USP47: variants seen among roughly 807,000 people sequenced by gnomAD.
USP47 encodes the protein ubiquitin carboxyl-terminal hydrolase 47.
In USP47, 35 loss-of-function variants were observed where a neutral mutation model predicts 165.1. The ratio of observed to expected loss-of-function variants is 0.21; its 90% CI spans 0.16 to 0.28. The LOEUF is 0.28. USP47 is among the 10% of genes least tolerant of loss of function. USP47 has a pLI of 1.00. For synonymous variants in USP47, 531 were observed against 544.5 expected (o/e 0.98, Z 0.35); for missense variants, 1,277 against 1,607.4 (o/e 0.79, Z 3.52).
chr11:11,885,995 C>T (rs1376093668), intron 3 of USP47, among the ~76,000 whole-genome samples: 3 of 152,084 alleles, frequency 2.0e-5, no homozygotes, highest in Non-Finnish European at 4.4e-5. Flanking sequence ...CTGCAGCAGC[C>T]CTATGGAAGA....
At chr11:11,950,645 A>T (rs967098348) in intron 24 of USP47, among the ~76,000 whole-genome samples, 163 bp downstream of exon 24, 1 of 152,124 alleles carries the variant, frequency 6.6e-6, no homozygotes. Context: ...GATTGATGTG[A>T]TTCCTACCTA....
intron 24 of USP47, chr11:11,951,817 T>C (rs997380404): frequency 4.6e-5 from 7 of 152,142 alleles, no homozygotes; most frequent in African/African-American, 1.7e-4. Flanking sequence ...AGGCAAGTGC[T>C]CCAGATTGTG....
intron 1 of USP47, among the ~76,000 whole-genome samples, chr11:11,860,650 G>T (rs1469766522): frequency 6.6e-6 from 1 of 152,160 alleles, no homozygotes; most frequent in African/African-American, 2.4e-5. Flanking sequence ...AAACAAGTCA[G>T]TTATTTCACA....
rs202182223 is a variant in USP47, at chr11:11,944,831, G to A, written c.3091+1719G>A. Among the ~76,000 whole-genome samples, 19 of 152,254 alleles carry A rather than the reference G, an allele frequency of 1.2e-4. No homozygotes were observed. The East Asian group carries it at 3.7e-3, about 29-fold the overall frequency. On this transcript the variant is annotated intron_variant, in intron 20 of 27. Transcript: ENST00000527733. ...AAAAGTAGTTCCTCTTTAGTAGAAG[G>A]TTGGAAATTTCTTTTAATTGGTTTG...
At position 11,957,093 on chromosome 11, in the gene USP47, T is replaced by G. The variant is rs980746119; in HGVS notation, c.*918T>G. On this transcript the variant is annotated 3_prime_UTR_variant, in exon 28 of 28. Coordinates refer to ENST00000527733, the MANE Select transcript of USP47 (RefSeq NM_001282659.2). ...GGTCCCATAGGATTGTCGTTGCCCT[T>G]GTTAATGAGGTTTCTCTGTTCAGCG... is the stretch of plus-strand genomic sequence containing the variant. 1.3e-5 allele frequency: 2 copies of G among 152,212 alleles called. No individual in the cohort carries two copies. Among genetic ancestry groups the G allele is most frequent in the Non-Finnish European group, 2.9e-5 (2 of 68,036 alleles). The allele number at this position is 152,212 out of a possible 1,614,324, so 9.4% of individuals were successfully genotyped here. A position where few individuals can be genotyped will look rare whatever the true frequency, so the allele number is the denominator to read the frequency against.
Position 11,959,385 on chromosome 11 carries a change from T to A in USP47, c.*3210T>A, listed in dbSNP as rs144350992. On this transcript the variant is annotated 3_prime_UTR_variant, in exon 28 of 28. Transcript: ENST00000527733. Reference sequence around the variant, plus strand: ...TTGGTCACTAGTAGTCAAAATCTTATAAGGCCATATGTCCTGAAAGGCAAA... The same window carrying A: ...TTGGTCACTAGTAGTCAAAATCTTAAAAGGCCATATGTCCTGAAAGGCAAA... The A allele has an allele frequency of 6.6e-6, 1 of 152,190 alleles. No individual in the cohort carries two copies. The highest frequency in any genetic ancestry group is 6.5e-5 in the Admixed American group (1 of 15,276). 9.4% of individuals were successfully genotyped at this position (152,190 alleles called of 1,614,324 possible).
chr11:11,845,229 A>G (rs548814188), intron 1 of USP47, among the ~76,000 whole-genome samples: 42 of 152,220 alleles, frequency 2.8e-4, no homozygotes, highest in African/African-American at 9.1e-4. Flanking sequence ...TCTGGCCACA[A>G]CCTGTCCTTC....
At chr11:11,879,539 T>G (rs946269845) in intron 1 of USP47, among the ~76,000 whole-genome samples, 5 of 152,140 alleles carry the variant, frequency 3.3e-5, no homozygotes, top group African/African-American at 7.2e-5. Context: ...CCTTTCTGTA[T>G]TGGTAATTGA....
At chr11:11,925,392 C>T (rs540172244) in intron 11 of USP47, among the ~76,000 whole-genome samples, 4 of 152,080 alleles carry the variant, frequency 2.6e-5, no homozygotes, top group Non-Finnish European at 4.4e-5. Flanking sequence ...CGTGAGCCAC[C>T]GCACCCGGCC....
chr11:11,943,208 A>T lies in USP47; in HGVS notation c.3091+96A>T, dbSNP rs892393134. 4 of 1,353,664 alleles carry T rather than the reference A, an allele frequency of 3.0e-6. No homozygotes were observed. The African/African-American group carries it at 5.9e-5, about 20-fold the overall frequency. The allele number at this position is 1,353,664 out of a possible 1,614,324, so 83.9% of individuals were successfully genotyped here. On this transcript the variant is annotated intron_variant, in intron 20 of 27. Coordinates refer to ENST00000527733, the MANE Select transcript of USP47 (RefSeq NM_001282659.2). ...GTTAAGTGTTAGGTACTTAGTTCTA[A>T]GATCATTTGTAACTTTCTGGATTAT... is the stretch of plus-strand genomic sequence containing the variant.
At chr11:11,890,709 T>A (rs10765898) in intron 3 of USP47, among the ~76,000 whole-genome samples, 1 of 152,036 alleles carries the variant, frequency 6.6e-6, no homozygotes, top group African/African-American at 2.4e-5. Flanking sequence ...ATACATGCAC[T>A]CATATGTTCA....
rs1299914001 is a variant in USP47, at chr11:11,955,074, T to C, written c.3803T>C (p.Ile1268Thr). 6.2e-7 allele frequency: 1 copy of C among 1,613,844 alleles called. No individual in the cohort carries two copies. Among genetic ancestry groups the C allele is most frequent in the South Asian group, 1.1e-5 (1 of 91,050 alleles). The change falls in exon 27 of 28, where the codon ATT becomes ACT. Residue 1268 changes from isoleucine (I) to threonine (T), a missense_variant. Physicochemically the swap from Ile to Thr is moderately conservative, Grantham distance 89. Transcript: ENST00000527733. Reference sequence around the variant, plus strand: ...CCCTGTGATATTTCTGTCCTTGATATTCATCAGGATTTAGACTGGAATCCT... The same window carrying C: ...CCCTGTGATATTTCTGTCCTTGATACTCATCAGGATTTAGACTGGAATCCT... ...TFPCDISVLD[I>T]HQDLDWNPKV...
intron 1 of USP47, among the ~76,000 whole-genome samples, chr11:11,856,147 C>T (rs1289605655): frequency 6.6e-6 from 1 of 152,104 alleles, no homozygotes; most frequent in African/African-American, 2.4e-5. Context: ...CTAAAAATTC[C>T]AAAGGCTTTG....
At chr11:11,927,237 T>A (rs1282343017) in intron 11 of USP47, among the ~76,000 whole-genome samples, 2 of 152,066 alleles carry the variant, frequency 1.3e-5, no homozygotes, top group Non-Finnish European at 2.9e-5. Flanking sequence ...TTTTTTTGTC[T>A]TTGGTTTTGT....
intron 11 of USP47, among the ~76,000 whole-genome samples, chr11:11,928,060 T>C (rs1023787380): frequency 2.0e-5 from 3 of 152,048 alleles, no homozygotes; most frequent in African/African-American, 7.2e-5. Flanking sequence ...AAGATAATTA[T>C]GTTGGCTTTG....
At chr11:11,881,985 G>C (rs1159914463) in intron 2 of USP47, among the ~76,000 whole-genome samples, 2 of 152,110 alleles carry the variant, frequency 1.3e-5, no homozygotes, top group Non-Finnish European at 2.9e-5. Flanking sequence ...GAAGACCATT[G>C]AGTTGGATCT....
At chr11:11,853,837 A>G (rs1262141993) in intron 1 of USP47, among the ~76,000 whole-genome samples, 1 of 152,108 alleles carries the variant, frequency 6.6e-6, no homozygotes, top group African/African-American at 2.4e-5. Context: ...TTAAAATCCT[A>G]TCCAACCGGC....
At position 11,880,422 on chromosome 11, in the gene USP47, CATT is replaced by C. The variant is rs769862705; in HGVS notation, c.243+43_243+45del. On this transcript the variant is annotated intron_variant, in intron 2 of 27. Coordinates refer to ENST00000527733, the MANE Select transcript of USP47 (RefSeq NM_001282659.2). Reference sequence around the variant, plus strand: ...AAGCTTCTAAAAATGTTATTATAGCCATTGTTGTTGTTGTTACTGATGATAATG... The same window carrying C: ...AAGCTTCTAAAAATGTTATTATAGCCGTTGTTGTTGTTACTGATGATAATG... The C allele has an allele frequency of 1.9e-5, 24 of 1,248,674 alleles. No individual in the cohort carries two copies. The South Asian group carries it at 6.3e-4, about 33-fold the overall frequency. 77.3% of individuals were successfully genotyped at this position (1,248,674 alleles called of 1,614,324 possible).
In USP47 at chr11:11,960,376, C is replaced by G. The variant is rs1169820108; in HGVS notation, c.*4201C>G. ...GTAGATGCCCTGCAGGTCCTATCAG[C>G]AAAGGACCCAACTCCTAACAGCATT... On this transcript the variant is annotated 3_prime_UTR_variant, in exon 28 of 28. Coordinates refer to ENST00000527733, the MANE Select transcript of USP47 (RefSeq NM_001282659.2). Among the ~76,000 whole-genome samples, 1 of 152,182 alleles carries G rather than the reference C, an allele frequency of 6.6e-6. No homozygotes were observed. The highest frequency in any genetic ancestry group is 1.5e-5 in the Non-Finnish European group (1 of 68,022).
Sources: gnomAD v4.1 joint callset for allele counts (sites outside exome capture counted in the v4.1 genomes callset) on GRCh38, gnomAD v4.1.1 for gene constraint, MANE v1.5 for transcripts, NCBI Gene and HGNC (gene_info 2026-07-23, HGNC 2026-07-21) for gene names.